The following UNC5D variants were observed in gnomAD, a reference collection of about 807,000 sequenced individuals.
UNC5D encodes the protein unc-5 netrin receptor D.
A neutral mutation model predicts 105.4 loss-of-function variants in UNC5D; 39 were observed. The observed-to-expected ratio is 0.37, with a 90% CI of 0.29 to 0.48. The LOEUF is 0.48. Ranked by LOEUF, UNC5D falls within the 20% of genes least tolerant of loss-of-function variation. The pLI, the probability that UNC5D is intolerant of heterozygous loss-of-function variation, is 0.98. For missense variants in UNC5D, 991 were observed against 1,202.4 expected (o/e 0.82, Z 2.60); for synonymous variants, 452 against 450.4 (o/e 1.00, Z -0.04).
intron 7 of UNC5D, among the ~76,000 whole-genome samples, chr8:35,696,778 A>G (rs186791281): frequency 8.5e-4 from 130 of 152,328 alleles, no homozygotes; most frequent in African/African-American, 2.4e-3. Flanking sequence ...AGACGCTATC[A>G]TTAACTCTAT....
Position 35,790,499 on chromosome 8 carries a change from C to T in UNC5D, c.2798C>T (p.Ser933Leu). 6.2e-7 allele frequency: 1 copy of T among 1,613,916 alleles called. No individual in the cohort carries two copies. The highest frequency in any genetic ancestry group is 2.2e-5 in the East Asian group (1 of 44,840). Reference sequence around the variant, plus strand: ...ATTGGGAGGACACACACGAAACTCTCAAACATTTCAGAATCCCAGCTTGAT... The same window carrying T: ...ATTGGGAGGACACACACGAAACTCTTAAACATTTCAGAATCCCAGCTTGAT... ...EEIGRTHTKL[S>L]NISESQLDEA... Residue 933 changes from serine (S) to leucine (L), a missense_variant, in exon 17 of 17, where the codon TCA becomes TTA. Physicochemically the swap from Ser to Leu is moderately radical, Grantham distance 145 (BLOSUM62 -2). Coordinates refer to ENST00000404895, the MANE Select transcript of UNC5D (RefSeq NM_080872.4).
chr8:35,664,616 G>A (rs1487951822), intron 4 of UNC5D, among the ~76,000 whole-genome samples: 1 of 151,878 alleles, frequency 6.6e-6, no homozygotes, highest in Non-Finnish European at 1.5e-5. Context: ...TAACATCAGG[G>A]GATCCACCCG....
At chr8:35,771,789 T>C (rs1352629977) in intron 15 of UNC5D, among the ~76,000 whole-genome samples, 4 of 152,206 alleles carry the variant, frequency 2.6e-5, no homozygotes, top group African/African-American at 9.6e-5. Context: ...GGCACTTGTC[T>C]TGAAACAGGG....
At position 35,512,569 on chromosome 8, in the gene UNC5D, A is replaced by ATATATATATATATATATCTC. The variant is rs539399345; in HGVS notation, c.104-36722_104-36721insATATATATATATATATCTCT. Among the ~76,000 whole-genome samples, 11 of 64,818 alleles carry ATATATATATATATATATCTC rather than the reference A, an allele frequency of 1.7e-4. 1 individual carries two copies. The highest frequency in any genetic ancestry group is 4.1e-4 in the Admixed American group (2 of 4,866). The allele number at this position is 64,818 out of a possible 152,430, so 42.5% of individuals were successfully genotyped here. A position where few individuals can be genotyped will look rare whatever the true frequency, so the allele number is the denominator to read the frequency against. On this transcript the variant is annotated intron_variant, in intron 1 of 16. Coordinates refer to ENST00000404895, the MANE Select transcript of UNC5D (RefSeq NM_080872.4). Reference sequence around the variant, plus strand: ...TATATATATATATATATATATATATATCTGAATAGATTACTAAATGGAGAT... The same window carrying ATATATATATATATATATCTC: ...TATATATATATATATATATATATATATATATATATATATATATCTCTCTGAATAGATTACTAAATGGAGAT...
intron 1 of UNC5D, among the ~76,000 whole-genome samples, chr8:35,292,716 C>CTTTTTT (rs35935733): frequency 1.6e-5 from 2 of 123,638 alleles, no homozygotes; most frequent in African/African-American, 3.0e-5. Context: ...CTTTTTTTTC[C>CTTTTTT]TTTTTTTTTT....
In UNC5D at chr8:35,619,480, T is replaced by C. The variant is rs566026128; in HGVS notation, c.570+23823T>C. On this transcript the variant is annotated intron_variant, in intron 4 of 16. Coordinates refer to ENST00000404895, the MANE Select transcript of UNC5D (RefSeq NM_080872.4). ...AGGCATTGGATCACAAAGTGTCTTG[T>C]CTTCCATCCTGAAAAAAAACTGGAC... Among the ~76,000 whole-genome samples the C allele has an allele frequency of 2.0e-3, 305 of 152,302 alleles. 1 individual carries two copies. The highest frequency in any genetic ancestry group is 3.7e-3 in the Non-Finnish European group (251 of 68,036).
intron 4 of UNC5D, among the ~76,000 whole-genome samples, chr8:35,623,823 G>A (rs1267396147): frequency 6.6e-6 from 1 of 152,196 alleles, no homozygotes; most frequent in African/African-American, 2.4e-5. Flanking sequence ...GCTCACGCCT[G>A]TAATCCCAGC....
chr8:35,476,309 AT>A (rs1374367458), intron 1 of UNC5D, among the ~76,000 whole-genome samples: 1 of 152,170 alleles, frequency 6.6e-6, no homozygotes, highest in African/African-American at 2.4e-5. Flanking sequence ...CCGAGTTATA[AT>A]CCTGGCTATG....
At chr8:35,356,626 GT>G (rs35841172) in intron 1 of UNC5D, among the ~76,000 whole-genome samples, 64,853 of 147,230 alleles carry the variant, frequency 0.44, 14,176 homozygotes, top group East Asian at 0.69. Flanking sequence ...CATCAACAAA[GT>G]TTTTTTTTTT....
At chr8:35,746,221 C>T (rs982962139) in intron 11 of UNC5D, among the ~76,000 whole-genome samples, 1 of 152,144 alleles carries the variant, frequency 6.6e-6, no homozygotes, top group African/African-American at 2.4e-5. Flanking sequence ...ATTTTCCTGC[C>T]ATCACCTTGA....
At chr8:35,631,923 C>A (rs1260134974) in intron 4 of UNC5D, among the ~76,000 whole-genome samples, 6 of 152,146 alleles carry the variant, frequency 3.9e-5, no homozygotes, top group African/African-American at 1.4e-4. Context: ...TTAGCCAGAA[C>A]AATTAAGTGT....
intron 1 of UNC5D, among the ~76,000 whole-genome samples, chr8:35,432,682 C>A (rs1350866831): frequency 9.9e-5 from 15 of 152,116 alleles, no homozygotes; most frequent in Admixed American, 9.8e-4. Flanking sequence ...AAACGGGTCC[C>A]TCATCAGTTA....
At chr8:35,734,335 C>CA (rs10657691) in intron 11 of UNC5D, among the ~76,000 whole-genome samples, 2,974 of 28,112 alleles carry the variant, frequency 0.11, 452 homozygotes, top group Middle Eastern at 0.18. Context: ...TAATCACTGT[C>CA]AAAAAAAAAA....
chr8:35,397,084 T>C (rs994326868), intron 1 of UNC5D, among the ~76,000 whole-genome samples: 1 of 151,708 alleles, frequency 6.6e-6, no homozygotes, highest in Admixed American at 6.6e-5. Context: ...TTTTTGTATT[T>C]TTAGTAAAGA....
intron 1 of UNC5D, among the ~76,000 whole-genome samples, chr8:35,450,713 T>C (rs1808091459): frequency 1.3e-5 from 2 of 152,192 alleles, no homozygotes; most frequent in South Asian, 2.1e-4. Context: ...CAACTTACAA[T>C]TTTTTAACTT....
intron 1 of UNC5D, among the ~76,000 whole-genome samples, chr8:35,285,217 T>G (rs1806504057): frequency 1.3e-5 from 2 of 152,210 alleles, no homozygotes; most frequent in South Asian, 4.1e-4. Flanking sequence ...AGTGTCCTTG[T>G]TAGACTCATG....
intron 4 of UNC5D, among the ~76,000 whole-genome samples, chr8:35,669,082 G>T (rs1346593041): frequency 6.6e-6 from 1 of 151,956 alleles, no homozygotes; most frequent in Non-Finnish European, 1.5e-5. Flanking sequence ...TCTGTCTATA[G>T]TTTCTGATAG....
At chr8:35,568,624 G>T (rs1817520664) in intron 3 of UNC5D, among the ~76,000 whole-genome samples, 1 of 152,258 alleles carries the variant, frequency 6.6e-6, no homozygotes, top group Non-Finnish European at 1.5e-5. Flanking sequence ...AGGAGGTGGA[G>T]GTTGCAGGGA....
At chr8:35,243,250 T>C (rs28677918) in intron 1 of UNC5D, among the ~76,000 whole-genome samples, 8,005 of 152,156 alleles carry the variant, frequency 0.053, 265 homozygotes, top group African/African-American at 0.089. Context: ...AAAATGCCAA[T>C]TGAAGAGTAA....
Sources: allele counts gnomAD v4.1 joint callset (sites outside exome capture counted in the v4.1 genomes callset), GRCh38; gene constraint gnomAD v4.1.1; transcripts MANE v1.5; gene names NCBI Gene and HGNC (gene_info 2026-07-23, HGNC 2026-07-21).